Variants in COG7 observed in about 807,000 individuals in gnomAD.
COG7 encodes conserved oligomeric Golgi complex subunit 7.
Under a neutral mutation model 91.5 loss-of-function variants are expected in COG7, and 49 were observed. That is an observed-to-expected ratio of 0.54 (90% CI 0.43 to 0.68). The LOEUF is 0.68. COG7 is among the 30% of genes least tolerant of loss of function. The probability of loss-of-function intolerance (pLI) is 0.00; values close to 1 mark genes in which losing one functional copy is unlikely to be tolerated. For missense variants in COG7, 895 were observed against 961.3 expected (o/e 0.93, Z 0.91); for synonymous variants, 365 against 388.7 (o/e 0.94, Z 0.72).
chr16:23,421,165 T>C (rs1963750077), intron 7 of COG7, among the ~76,000 whole-genome samples: 1 of 151,762 alleles, frequency 6.6e-6, no homozygotes, highest in Non-Finnish European at 1.5e-5. Flanking sequence ...TTACTTTATA[T>C]TGCATAATCT....
chr16:23,452,881 G>A lies in COG7; in HGVS notation c.114C>T (p.Ala38=), dbSNP rs1483173977. The A allele has an allele frequency of 6.2e-7, 1 of 1,614,002 alleles. No homozygotes were observed. The highest frequency in any genetic ancestry group is 1.7e-5 in the Admixed American group (1 of 60,028). Residue 38 remains alanine (A), a synonymous_variant, in exon 1 of 17, where the codon GCC becomes GCT. Coordinates refer to ENST00000307149, the MANE Select transcript of COG7 (RefSeq NM_153603.4). ...ACAGCTGCAGCTTCATCACCAGGGTGGCTGCGTGGCCATCCGCCTTCCCGG... is the reference window on the plus strand; with the variant it reads ...ACAGCTGCAGCTTCATCACCAGGGTAGCTGCGTGGCCATCCGCCTTCCCGG... The part of the protein sequence containing the change: ...AASGKADGHA[A]TLVMKLQLFI...
At chr16:23,410,857 C>T (rs992431221) in intron 10 of COG7, among the ~76,000 whole-genome samples, 1 of 152,262 alleles carries the variant, frequency 6.6e-6, no homozygotes, top group Middle Eastern at 3.4e-3. Flanking sequence ...AGGCGCACGC[C>T]ACCACGCCTG....
intron 6 of COG7, among the ~76,000 whole-genome samples, chr16:23,432,079 C>G (rs776223246): frequency 6.6e-6 from 1 of 151,636 alleles, no homozygotes; most frequent in South Asian, 2.1e-4. Context: ...CCCAGGAGGC[C>G]GAGGCTGCAG....
Position 23,453,017 on chromosome 16 carries a change from C to T in COG7, c.-23G>A. The T allele has an allele frequency of 6.2e-7, 1 of 1,613,794 alleles. No individual in the cohort carries two copies. Among genetic ancestry groups the T allele is most frequent in the Non-Finnish European group, 8.5e-7 (1 of 1,179,820 alleles). ...CATGGCGGAACTGCCTCAGGCCTGG[C>T]GTCCAGAACTTAAGAGTTGGCTCCG... is the stretch of plus-strand genomic sequence containing the variant. On this transcript the variant is annotated 5_prime_UTR_variant, in exon 1 of 17. Coordinates refer to ENST00000307149, the MANE Select transcript of COG7 (RefSeq NM_153603.4).
chr16:23,435,927 T>C (rs1964006972), intron 4 of COG7, among the ~76,000 whole-genome samples: 1 of 152,216 alleles, frequency 6.6e-6, no homozygotes, highest in South Asian at 2.1e-4. Context: ...TAAGTGAATC[T>C]TCCTGTTACA....
intron 6 of COG7, among the ~76,000 whole-genome samples, chr16:23,432,688 A>G (rs953509052): frequency 2.6e-5 from 4 of 152,144 alleles, no homozygotes; most frequent in South Asian, 2.1e-4. Context: ...TAGAGACTTG[A>G]GGAAAGTAAA....
chr16:23,452,629 T>C (rs1035166879), intron 1 of COG7, 197 bp downstream of exon 1: 3 of 1,276,746 alleles, frequency 2.3e-6, no homozygotes, highest in East Asian at 2.7e-5. Context: ...CACCCAAAAT[T>C]AGCAAGTGTT....
At chr16:23,447,479 G>A (rs539984539) in intron 1 of COG7, among the ~76,000 whole-genome samples, 66 of 152,052 alleles carry the variant, frequency 4.3e-4, no homozygotes, top group African/African-American at 1.5e-3. Context: ...CCAAAGTGCT[G>A]GGATTACAGG....
intron 6 of COG7, among the ~76,000 whole-genome samples, chr16:23,430,824 A>G (rs1963923016): frequency 6.6e-6 from 1 of 152,072 alleles, no homozygotes; most frequent in Non-Finnish European, 1.5e-5. Context: ...TACAGGTGTG[A>G]AACACCACGC....
intron 9 of COG7, chr16:23,415,844 A>C (rs1283678399): frequency 6.6e-6 from 1 of 151,834 alleles, no homozygotes; most frequent in Non-Finnish European, 1.5e-5. Context: ...AACCCTCCTC[A>C]CTACTGAACA....
Position 23,413,611 on chromosome 16 carries a change from C to T in COG7, c.1293-47G>A, listed in dbSNP as rs750600349. 4 of 1,013,018 alleles carry T rather than the reference C, an allele frequency of 3.9e-6. No individual in the cohort carries two copies. In the East Asian group the frequency reaches 9.5e-5, roughly 24 times the overall value. The allele number at this position is 1,013,018 out of a possible 1,614,324, so 62.8% of individuals were successfully genotyped here. On this transcript the variant is annotated intron_variant, in intron 9 of 16. Transcript: ENST00000307149. ...TGGTAGGGAGGTCACCACTGATTCC[C>T]CAACTCTAAAGAGACCTGGAATTCT...
chr16:23,418,741 C>T lies in COG7; in HGVS notation c.1096G>A (p.Glu366Lys), dbSNP rs1240636596. 6.2e-7 allele frequency: 1 copy of T among 1,613,964 alleles called. No homozygotes were observed. The highest frequency in any genetic ancestry group is 8.5e-7 in the Non-Finnish European group (1 of 1,179,890). Residue 366 changes from glutamate to lysine, a missense_variant, in exon 8 of 17, where the codon GAA becomes AAA. Coordinates refer to ENST00000307149, the MANE Select transcript of COG7 (RefSeq NM_153603.4). ...ATCTGGATGAGGAGGTTGCTCTCTTCCATGTCGCCATACTTCAGCTGGTAG... is the reference window on the plus strand; with the variant it reads ...ATCTGGATGAGGAGGTTGCTCTCTTTCATGTCGCCATACTTCAGCTGGTAG... ...KPYQLKYGDM[E>K]ESNLLIQMSA... is the part of the protein sequence containing the mutation.
At chr16:23,432,377 C>T (rs1216121381) in intron 6 of COG7, among the ~76,000 whole-genome samples, 2 of 152,042 alleles carry the variant, frequency 1.3e-5, no homozygotes, top group African/African-American at 2.4e-5. Context: ...CTAAACCACT[C>T]GTAGATGACC....
intron 9 of COG7, chr16:23,415,959 G>A (rs1963646022): frequency 1.3e-5 from 2 of 152,046 alleles, no homozygotes; most frequent in Non-Finnish European, 2.9e-5. Context: ...TAGAGAAGAT[G>A]GCCTGGGTTT....
At chr16:23,399,012 G>C (rs1963330720) in intron 13 of COG7, among the ~76,000 whole-genome samples, 1 of 151,942 alleles carries the variant, frequency 6.6e-6, no homozygotes, top group African/African-American at 2.4e-5. Flanking sequence ...TCTAAAGCCA[G>C]CCCTGGAAAA....
At chr16:23,418,228 G>A (rs1223319187) in intron 8 of COG7, among the ~76,000 whole-genome samples, 4 of 152,204 alleles carry the variant, frequency 2.6e-5, no homozygotes, top group Admixed American at 6.5e-5. Flanking sequence ...ACTAGGGCCC[G>A]GCAGGGTGGC....
In COG7 at chr16:23,453,165, C is replaced by T; in HGVS notation, c.-171G>A. On this transcript the variant is annotated 5_prime_UTR_variant, in exon 1 of 17. Coordinates refer to ENST00000307149, the MANE Select transcript of COG7 (RefSeq NM_153603.4). ...TTTGCGCTTCCCCGCTCAGCGCACTCAGTTTGCGGCTGGGAATGACCCTCG... is the reference window on the plus strand; with the variant it reads ...TTTGCGCTTCCCCGCTCAGCGCACTTAGTTTGCGGCTGGGAATGACCCTCG... 1 of 1,400,788 alleles carries T rather than the reference C, an allele frequency of 7.1e-7. No individual in the cohort carries two copies. Among genetic ancestry groups the T allele is most frequent in the Non-Finnish European group, 9.4e-7 (1 of 1,067,044 alleles). The allele number at this position is 1,400,788 out of a possible 1,614,324, so 86.8% of individuals were successfully genotyped here.
intron 11 of COG7, among the ~76,000 whole-genome samples, chr16:23,407,572 G>A (rs1475980711): frequency 2.0e-5 from 3 of 152,210 alleles, no homozygotes; most frequent in Admixed American, 6.5e-5. Flanking sequence ...AGCCCTCTGC[G>A]CCATCAGCCA....
rs1021520928 is a variant in COG7, at chr16:23,388,834, C to G, written c.*86G>C. 1.2e-6 allele frequency: 2 copies of G among 1,603,998 alleles called. No individual in the cohort carries two copies. The highest frequency in any genetic ancestry group is 2.7e-5 in the African/African-American group (2 of 74,264). Reference sequence around the variant, plus strand: ...CTTTTTAAAGTAACTTCTGCCCAATCTTGGGCAGAGTTTCTGAGCAAATCT... The same window carrying G: ...CTTTTTAAAGTAACTTCTGCCCAATGTTGGGCAGAGTTTCTGAGCAAATCT... On this transcript the variant is annotated 3_prime_UTR_variant, in exon 17 of 17. Coordinates refer to ENST00000307149, the MANE Select transcript of COG7 (RefSeq NM_153603.4).
Sources: allele counts gnomAD v4.1 joint callset (sites outside exome capture counted in the v4.1 genomes callset), GRCh38; gene constraint gnomAD v4.1.1; transcripts MANE v1.5; gene names NCBI Gene and HGNC (gene_info 2026-07-23, HGNC 2026-07-21).